WNT9B: variants seen among roughly 807,000 people sequenced by gnomAD.
WNT9B encodes Wnt family member 9B.
In WNT9B, 12 loss-of-function variants were observed where a neutral mutation model predicts 30.2. The ratio of observed to expected loss-of-function variants is 0.40; its 90% CI spans 0.26 to 0.64. WNT9B has a LOEUF of 0.64. Ranked by LOEUF, WNT9B falls within the 30% of genes least tolerant of loss-of-function variation. WNT9B has a pLI of 0.42. For synonymous variants in WNT9B, 218 were observed against 216.9 expected (o/e 1.01, Z -0.05); for missense variants, 442 against 485.2 (o/e 0.91, Z 0.84).
upstream of WNT9B, among the ~76,000 whole-genome samples, chr17:46,847,396 C>G (rs2084788422): frequency 6.6e-6 from 1 of 152,204 alleles, no homozygotes. Flanking sequence ...AATCATGGCC[C>G]ACATGCTACC....
At position 46,862,158 on chromosome 17, in the gene WNT9B, C is replaced by T. The variant is rs141156759; in HGVS notation, c.78-10359C>T. Among the ~76,000 whole-genome samples, 16 of 123,102 alleles carry T rather than the reference C, an allele frequency of 1.3e-4. 1 individual carries two copies. Among genetic ancestry groups the T allele is most frequent in the African/African-American group, 4.1e-4 (12 of 29,006 alleles). The allele number at this position is 123,102 out of a possible 152,430, so 80.8% of individuals were successfully genotyped here. ...AGCCTGGGCAACAAGAGTGAAACTCCGTCTCAAAAAAAAAAAAAAAAGAAA... is the reference window on the plus strand; with the variant it reads ...AGCCTGGGCAACAAGAGTGAAACTCTGTCTCAAAAAAAAAAAAAAAAGAAA... On this transcript the variant is annotated intron_variant, in intron 1 of 3. Transcript: ENST00000290015.
At chr17:46,850,598 T>C (rs1440557999), upstream of WNT9B, among the ~76,000 whole-genome samples, 1 of 152,228 alleles carries the variant, frequency 6.6e-6, no homozygotes, top group Non-Finnish European at 1.5e-5. Context: ...TTGTTTTGCT[T>C]GATTTGACCC....
downstream of WNT9B, chr17:46,885,074 C>A (rs754320648): frequency 9.3e-5 from 41 of 441,402 alleles, 1 homozygote; most frequent in South Asian, 6.4e-4. Flanking sequence ...TCACAACCTC[C>A]ACCTCCCGGA....
Position 46,872,540 on chromosome 17 carries a change from C to A in WNT9B, c.101C>A (p.Thr34Lys). Residue 34 changes from threonine to lysine, a missense_variant, in exon 2 of 4, where the codon ACG (threonine) becomes AAG (lysine). Transcript: ENST00000290015. ...YFGLTGREVL[T>K]PFPGLGTAAA... ...AGCCTGACCGGGCGGGAAGTCCTGA[C>A]GCCCTTCCCAGGATTGGGCACTGCG... 1.3e-6 allele frequency: 2 copies of A among 1,559,326 alleles called. No homozygotes were observed. The highest frequency in any genetic ancestry group is 1.7e-6 in the Non-Finnish European group (2 of 1,150,180).
At chr17:46,866,234 G>A (rs1486778021) in intron 1 of WNT9B, among the ~76,000 whole-genome samples, 1 of 152,094 alleles carries the variant, frequency 6.6e-6, no homozygotes, top group Non-Finnish European at 1.5e-5. Context: ...CCTCAAAAAA[G>A]GGCTGCCCAG....
At chr17:46,881,445 CCTT>C (rs1165131008), downstream of WNT9B, among the ~76,000 whole-genome samples, 14 of 152,312 alleles carry the variant, frequency 9.2e-5, no homozygotes, top group Middle Eastern at 6.8e-3. Context: ...AGGTGGACAC[CCTT>C]CTTCTTTTTT....
At chr17:46,837,245 C>T (rs2084644743) in intron 1 of WNT9B, among the ~76,000 whole-genome samples, 3 of 152,140 alleles carry the variant, frequency 2.0e-5, no homozygotes, top group Admixed American at 1.3e-4. Context: ...CTGGCTGAAC[C>T]TTGCAAGTAT....
chr17:46,862,292 G>A (rs938810104), intron 1 of WNT9B, among the ~76,000 whole-genome samples: 7 of 152,092 alleles, frequency 4.6e-5, no homozygotes, highest in African/African-American at 7.2e-5. Context: ...GTAACGTATC[G>A]TATATTCCAT....
downstream of WNT9B, among the ~76,000 whole-genome samples, chr17:46,882,390 A>G (rs1289094276): frequency 1.3e-5 from 2 of 152,180 alleles, no homozygotes; most frequent in African/African-American, 2.4e-5. Flanking sequence ...GATTCAGGTT[A>G]AACATTTTGG....
intron 1 of WNT9B, among the ~76,000 whole-genome samples, 174 bp from the exon 2 acceptor site, chr17:46,872,343 T>A (rs73987094): frequency 0.05 from 7,567 of 152,292 alleles, 260 homozygotes; most frequent in African/African-American, 0.096. Context: ...TGCAGCAACC[T>A]TTGTTACATG....
chr17:46,834,289 G>A (rs936603361), intron 1 of WNT9B, among the ~76,000 whole-genome samples: 2 of 152,220 alleles, frequency 1.3e-5, no homozygotes, highest in Non-Finnish European at 2.9e-5. Flanking sequence ...TCAGGGGGAA[G>A]TGGTGTCCTG....
chr17:46,860,672 C>A (rs76304254), intron 1 of WNT9B, among the ~76,000 whole-genome samples: 3,720 of 152,290 alleles, frequency 0.024, 152 homozygotes, highest in African/African-American at 0.085. Context: ...CAGCGTCCCA[C>A]GTTTAGAAGA....
chr17:46,865,397 T>G (rs1170021074), intron 1 of WNT9B, among the ~76,000 whole-genome samples: 1 of 151,938 alleles, frequency 6.6e-6, no homozygotes, highest in Non-Finnish European at 1.5e-5. Context: ...GGCTCTTTCC[T>G]CTCTGAGTCA....
In WNT9B at chr17:46,876,520, G is replaced by A. The variant is rs757863033; in HGVS notation, c.876G>A (p.Arg292=). The A allele has an allele frequency of 6.2e-6, 10 of 1,613,492 alleles. No homozygotes were observed. Among genetic ancestry groups the A allele is most frequent in the Non-Finnish European group, 8.5e-6 (10 of 1,180,042 alleles). ...VYMEDSPSFC[R]PSKYSPGTAG... ...TGGAGGACTCACCCAGCTTCTGCCG[G>A]CCCAGCAAGTACTCACCTGGCACAG... is the stretch of plus-strand genomic sequence containing the variant. The change falls in exon 4 of 4, where the codon CGG becomes CGA. Residue 292 remains arginine (R), a synonymous_variant. Coordinates refer to ENST00000290015, the MANE Select transcript of WNT9B (RefSeq NM_003396.3).
chr17:46,858,057 G>A (rs2084968466), intron 1 of WNT9B, among the ~76,000 whole-genome samples: 1 of 152,126 alleles, frequency 6.6e-6, no homozygotes, highest in Non-Finnish European at 1.5e-5. Flanking sequence ...AGCCTCCCAA[G>A]TAGCTGGGAC....
intron 1 of WNT9B, among the ~76,000 whole-genome samples, chr17:46,865,535 G>A (rs1198727437): frequency 6.6e-6 from 1 of 152,174 alleles, no homozygotes; most frequent in East Asian, 1.9e-4. Context: ...GGATCCAGGA[G>A]TAGGGGTTGG....
At chr17:46,859,992 A>G (rs2085007908) in intron 1 of WNT9B, among the ~76,000 whole-genome samples, 1 of 152,148 alleles carries the variant, frequency 6.6e-6, no homozygotes, top group Non-Finnish European at 1.5e-5. Flanking sequence ...TAGAAATTGA[A>G]TTGGGGCCTG....
chr17:46,846,026 G>A (rs2084772538), intron 1 of WNT9B, among the ~76,000 whole-genome samples: 1 of 151,744 alleles, frequency 6.6e-6, no homozygotes, highest in Admixed American at 6.6e-5. Context: ...CCTGATCTCA[G>A]GTGCTCCACC....
In WNT9B at chr17:46,875,209, C is replaced by T. The variant is rs753150520; in HGVS notation, c.443C>T (p.Ser148Phe). ...ATGGAGCGCTGCACCTGTGATGACT[C>T]TCCGGGGCTGGAGAGCCGGCAGGCC... is the stretch of plus-strand genomic sequence containing the variant. ...GRMERCTCDD[S>F]PGLESRQAWQ... is the part of the protein sequence containing the mutation. The change falls in exon 3 of 4, where the codon TCT (serine) becomes TTT (phenylalanine). Residue 148 changes from serine (S) to phenylalanine (F), a missense_variant. By Grantham distance (155) the Ser-to-Phe change is radical. Coordinates refer to ENST00000290015, the MANE Select transcript of WNT9B (RefSeq NM_003396.3). The T allele has an allele frequency of 6.2e-7, 1 of 1,614,162 alleles. No homozygotes were observed. The highest frequency in any genetic ancestry group is 2.2e-5 in the East Asian group (1 of 44,886).
Sources: gnomAD v4.1 joint callset for allele counts (sites outside exome capture counted in the v4.1 genomes callset) on GRCh38, gnomAD v4.1.1 for gene constraint, MANE v1.5 for transcripts, NCBI Gene and HGNC (gene_info 2026-07-23, HGNC 2026-07-21) for gene names.